Variants in ATP5MC1 observed in about 807,000 individuals in gnomAD.
The protein encoded by ATP5MC1 is ATP synthase membrane subunit c locus 1, also known as ATP synthase F(0) complex subunit C1, mitochondrial.
In ATP5MC1, 4 loss-of-function variants were observed where a neutral mutation model predicts 12.1. The ratio of observed to expected loss-of-function variants is 0.33; its 90% CI spans 0.16 to 0.76. The LOEUF (loss-of-function observed/expected upper bound fraction) is 0.76, where lower values mean the gene tolerates loss of function less well. ATP5MC1 is among the 30% of genes least tolerant of loss of function. The pLI is 0.61. For missense variants in ATP5MC1, 117 were observed against 172.1 expected, an observed-to-expected ratio of 0.68 and a Z score of 1.79; for synonymous variants, 52 against 66.0, an observed-to-expected ratio of 0.79 and a Z score of 1.03.
chr17:48,895,420 C>G lies in ATP5MC1; in HGVS notation c.296+86C>G, dbSNP rs532304055. 1.1e-4 allele frequency: 163 copies of G among 1,498,828 alleles called. No individual in the cohort carries two copies. The East Asian group carries it at 2.5e-3, about 23-fold the overall frequency. 92.8% of individuals were successfully genotyped at this position (1,498,828 alleles called of 1,614,324 possible). ...CAGCTGGAGGAGCTCCCTTCAGGAG[C>G]CTTCAGGTTGATTTCATCTACATCA... On this transcript the variant is annotated intron_variant, in intron 4 of 4. Coordinates refer to ENST00000393366, the MANE Select transcript of ATP5MC1 (RefSeq NM_005175.3).
At chr17:48,895,600 C>T (rs1322620235) in intron 4 of ATP5MC1, 55 bp from the exon 5 acceptor site, 2 of 1,467,454 alleles carry the variant, frequency 1.4e-6, no homozygotes, top group East Asian at 4.5e-5. Flanking sequence ...CTGTGTCCTC[C>T]CCTCCCCTCA....
In ATP5MC1 at chr17:48,895,827, C is replaced by A; in HGVS notation, c.*58C>A. 1 of 1,474,912 alleles carries A rather than the reference C, an allele frequency of 6.8e-7. No individual in the cohort carries two copies. Among genetic ancestry groups the A allele is most frequent in the Non-Finnish European group, 9.5e-7 (1 of 1,057,576 alleles). The allele number at this position is 1,474,912 out of a possible 1,614,324, so 91.4% of individuals were successfully genotyped here. A position where few individuals can be genotyped will look rare whatever the true frequency, so the allele number is the denominator to read the frequency against. ...CTGCAACTCCACACCATTCTTGGTG[C>A]TGGGGTGTGTTAAGCTTTACCATTA... On this transcript the variant is annotated 3_prime_UTR_variant, in exon 5 of 5. Transcript: ENST00000393366.
In ATP5MC1 at chr17:48,895,246, A is replaced by G; in HGVS notation, c.208A>G (p.Ile70Val). ...GGACATTGACACAGCAGCCAAGTTT[A>G]TTGGTGCTGGGGCAGCCACAGTTGG... ...SRDIDTAAKF[I>V]GAGAATVGVA... Residue 70 changes from isoleucine to valine, a missense_variant, in exon 4 of 5, where the codon ATT (isoleucine) becomes GTT (valine). Ile to Val is a conservative substitution (Grantham distance 29). Coordinates refer to ENST00000393366, the MANE Select transcript of ATP5MC1 (RefSeq NM_005175.3). 7 of 1,612,482 alleles carry G rather than the reference A, an allele frequency of 4.3e-6. No homozygotes were observed. Among genetic ancestry groups the G allele is most frequent in the Non-Finnish European group, 5.9e-6 (7 of 1,178,642 alleles).
intron 2 of ATP5MC1, 93 bp downstream of exon 2, chr17:48,893,549 C>A: frequency 7.0e-7 from 1 of 1,432,870 alleles, no homozygotes; most frequent in Non-Finnish European, 9.7e-7. Flanking sequence ...GCTTGGCGTC[C>A]TGATGATGTA....
rs73989238 is a variant in ATP5MC1 at position 48,895,078 on chromosome 17, G to A, written c.118-78G>A. On this transcript the variant is annotated intron_variant, in intron 3 of 4. Coordinates refer to ENST00000393366, the MANE Select transcript of ATP5MC1 (RefSeq NM_005175.3). ...GTTTCAGAGCTCAGGTGGGTGGGGT[G>A]AAGGAGGTAGAGTCAGCCACCTGTC... The A allele has an allele frequency of 4.4e-3, 6,723 of 1,532,556 alleles. 189 individuals carry two copies. The South Asian group carries it at 0.058, about 13-fold the overall frequency. The allele number at this position is 1,532,556 out of a possible 1,614,324, so 94.9% of individuals were successfully genotyped here.
intron 3 of ATP5MC1, chr17:48,894,853 A>C: frequency 1.8e-6 from 1 of 561,760 alleles, no homozygotes; most frequent in African/African-American, 1.9e-5. Flanking sequence ...AAGTGGGAGG[A>C]GAGTTGGAGA....
Position 48,895,632 on chromosome 17 carries a change from G to A in ATP5MC1, c.297-23G>A. ...CTCACCCCTTCCTCTCCCTCAACTGGCAATGATCTCTGTCCCTCCCAGGAA... is the reference window on the plus strand; with the variant it reads ...CTCACCCCTTCCTCTCCCTCAACTGACAATGATCTCTGTCCCTCCCAGGAA... On this transcript the variant is annotated intron_variant, in intron 4 of 4. Transcript: ENST00000393366. 4 of 1,602,828 alleles carry A rather than the reference G, an allele frequency of 2.5e-6. No homozygotes were observed. In the Middle Eastern group the frequency reaches 6.6e-4, roughly 266 times the overall value.
intron 3 of ATP5MC1, 74 bp downstream of exon 3, chr17:48,894,523 T>C (rs2040555534): frequency 1.4e-6 from 2 of 1,464,154 alleles, no homozygotes; most frequent in South Asian, 2.3e-5. Context: ...ATCCCAGCTC[T>C]TTGAGAGGCT....
intron 2 of ATP5MC1, 27 bp from the exon 3 acceptor site, chr17:48,894,345 G>A (rs528434194): frequency 6.2e-7 from 1 of 1,610,614 alleles, no homozygotes; most frequent in Admixed American, 1.7e-5. Context: ...GACTGATTTG[G>A]TAGGATGTGG....
At chr17:48,893,363 C>T in intron 1 of ATP5MC1, 46 bp from the exon 2 acceptor site, 2 of 1,601,580 alleles carry the variant, frequency 1.2e-6, no homozygotes, top group East Asian at 4.5e-5. Context: ...AGCAAACAAC[C>T]AGGGTCTCAG....
intron 2 of ATP5MC1, chr17:48,893,676 C>T (rs933119156): frequency 1.2e-5 from 7 of 606,420 alleles, no homozygotes; most frequent in Non-Finnish European, 2.1e-5. Flanking sequence ...ATTTTTATCC[C>T]CAGTCTGTCC....
At position 48,894,433 on chromosome 17, in the gene ATP5MC1, T is replaced by C; in HGVS notation, c.101T>C (p.Val34Ala). The C allele has an allele frequency of 6.2e-7, 1 of 1,613,348 alleles. No homozygotes were observed. Among genetic ancestry groups the C allele is most frequent in the East Asian group, 2.2e-5 (1 of 44,882 alleles). The change falls in exon 3 of 5, where the codon GTG becomes GCG. Residue 34 changes from valine (V) to alanine (A), a missense_variant. By Grantham distance (64) the Val-to-Ala change is moderately conservative. Transcript: ENST00000393366. ...PVSASFLNSP[V>A]NSSKQPSYSN... is the part of the protein sequence containing the mutation. Reference sequence around the variant, plus strand: ...TCTGCCTCCTTCTTGAATAGCCCAGTGAATTCATCTAAACAGGTAAGGGAG... The same window carrying C: ...TCTGCCTCCTTCTTGAATAGCCCAGCGAATTCATCTAAACAGGTAAGGGAG...
In ATP5MC1 at chr17:48,895,857, C is replaced by T. The variant is rs145476285; in HGVS notation, c.*88C>T. On this transcript the variant is annotated 3_prime_UTR_variant, in exon 5 of 5. Transcript: ENST00000393366. The stretch of plus-strand genomic sequence containing the variant: ...GTGTGTTAAGCTTTACCATTAAACA[C>T]AACGTTTCTCTAAACCCCTGTCTGT... The T allele has an allele frequency of 3.9e-6, 5 of 1,279,032 alleles. No homozygotes were observed. The East Asian group carries it at 1.2e-4, about 30-fold the overall frequency. The allele number at this position is 1,279,032 out of a possible 1,614,324, so 79.2% of individuals were successfully genotyped here.
chr17:48,895,329 T>C lies in ATP5MC1; in HGVS notation c.291T>C (p.Tyr97=), dbSNP rs1311503460. The change falls in exon 4 of 5, where the codon TAT becomes TAC. Residue 97 remains tyrosine, a synonymous_variant. Transcript: ENST00000393366. The part of the protein sequence containing the change: ...GTVFGSLIIG[Y]ARNPSLKQQL... ...TGTTTGGCAGCTTGATCATTGGCTATGCCAGGTAAGTTTGGGTGGTCTACA... is the reference window on the plus strand; with the variant it reads ...TGTTTGGCAGCTTGATCATTGGCTACGCCAGGTAAGTTTGGGTGGTCTACA... 2 of 1,587,514 alleles carry C rather than the reference T, an allele frequency of 1.3e-6. No homozygotes were observed. The highest frequency in any genetic ancestry group is 1.7e-5 in the Admixed American group (1 of 58,800).
Position 48,895,211 on chromosome 17 carries a change from T to TTG in ATP5MC1, c.175_176dup (p.Arg61ProfsTer34). ...GCCAGACGGGAGTTCCAGACCAGTGTTGTCTCCCGGGACATTGACACAGCA... is the reference window on the plus strand; with the variant it reads ...GCCAGACGGGAGTTCCAGACCAGTGTTGTGTCTCCCGGGACATTGACACAGCA... On this transcript the variant is annotated frameshift_variant, in exon 4 of 5. Transcript: ENST00000393366. LOFTEE classifies it high-confidence loss of function. 1 of 1,612,566 alleles carries TTG rather than the reference T, an allele frequency of 6.2e-7. No homozygotes were observed. The highest frequency in any genetic ancestry group is 8.5e-7 in the Non-Finnish European group (1 of 1,178,682).
At chr17:48,893,985 A>AT (rs951005302) in intron 2 of ATP5MC1, 107 of 227,400 alleles carry the variant, frequency 4.7e-4, no homozygotes, top group African/African-American at 2.3e-3. Context: ...GGCCCACTCC[A>AT]TTTAGGGTGT....
chr17:48,894,271 C>A, intron 2 of ATP5MC1, 101 bp from the exon 3 acceptor site: 2 of 1,144,430 alleles, frequency 1.7e-6, no homozygotes, highest in Non-Finnish European at 2.6e-6. Flanking sequence ...ATACATTGAA[C>A]TTATTCTGTT....
rs1567772459 is a variant in ATP5MC1 at position 48,895,287 on chromosome 17, G to T, written c.249G>T (p.Gly83=). Reference sequence around the variant, plus strand: ...CCACAGTTGGTGTGGCTGGTTCAGGGGCTGGCATTGGAACCGTGTTTGGCA... The same window carrying T: ...CCACAGTTGGTGTGGCTGGTTCAGGTGCTGGCATTGGAACCGTGTTTGGCA... The part of the protein sequence containing the change: ...GAATVGVAGS[G]AGIGTVFGSL... The change falls in exon 4 of 5, where the codon GGG becomes GGT. Residue 83 remains glycine, a synonymous_variant. Transcript: ENST00000393366. 1 of 1,606,200 alleles carries T rather than the reference G, an allele frequency of 6.2e-7. No individual in the cohort carries two copies. Among genetic ancestry groups the T allele is most frequent in the Admixed American group, 1.7e-5 (1 of 59,824 alleles).
intron 2 of ATP5MC1, chr17:48,893,683 G>A: frequency 1.7e-6 from 1 of 596,594 alleles, no homozygotes. Context: ...TCCCCAGTCT[G>A]TCCTGGCCAT....
Sources: allele counts gnomAD v4.1 joint callset, GRCh38; gene constraint gnomAD v4.1.1; transcripts MANE v1.5; gene names NCBI Gene and HGNC (gene_info 2026-07-23, HGNC 2026-07-21).